TRPM4: variants seen among roughly 807,000 people sequenced by gnomAD.
TRPM4 encodes the protein transient receptor potential cation channel subfamily M member 4.
TRPM4 carries 124 observed loss-of-function variants against 135.6 expected under a neutral mutation model. That is an observed-to-expected ratio of 0.91 (90% confidence interval 0.79 to 1.06). TRPM4 has a LOEUF of 1.06. Among genes scored for constraint, TRPM4 ranks in the 50% least tolerant of loss-of-function variants. TRPM4 has a pLI of 0.00. For synonymous variants in TRPM4, 745 were observed against 705.6 expected, an observed-to-expected ratio of 1.06 and a Z score of -0.88; for missense variants, 1,658 against 1,671.4, an observed-to-expected ratio of 0.99 and a Z score of 0.14.
chr19:49,209,124 T>C (rs1461428582), intron 20 of TRPM4, among the ~76,000 whole-genome samples: 1 of 152,202 alleles, frequency 6.6e-6, no homozygotes, highest in Non-Finnish European at 1.5e-5. Context: ...TAAATCCCAT[T>C]TCGTTATGGT....
At position 49,157,796 on chromosome 19, in the gene TRPM4, G is replaced by C. The variant is rs1304701961; in HGVS notation, c.-71G>C. On this transcript the variant is annotated 5_prime_UTR_variant, in exon 1 of 25. Coordinates refer to ENST00000252826, the MANE Select transcript of TRPM4 (RefSeq NM_017636.4). ...GGAGGATCCGGTTTGCTCTGGGCGG[G>C]TCTGGAAGCAGAGCCGGCGGAGGGA... is the stretch of plus-strand genomic sequence containing the variant. 1 of 1,531,036 alleles carries C rather than the reference G, an allele frequency of 6.5e-7. No individual in the cohort carries two copies. Among genetic ancestry groups the C allele is most frequent in the Non-Finnish European group, 8.7e-7 (1 of 1,144,040 alleles). 94.8% of individuals were successfully genotyped at this position (1,531,036 alleles called of 1,614,324 possible).
chr19:49,194,028 C>T (rs1033988996), intron 16 of TRPM4, among the ~76,000 whole-genome samples: 2 of 147,630 alleles, frequency 1.4e-5, no homozygotes, highest in African/African-American at 5.3e-5. Flanking sequence ...CATCCTCCTC[C>T]TGCTCCTGCT....
At chr19:49,164,648 C>T (rs1206405492) in intron 2 of TRPM4, among the ~76,000 whole-genome samples, 1 of 151,762 alleles carries the variant, frequency 6.6e-6, no homozygotes, top group Non-Finnish European at 1.5e-5. Context: ...TCCCAAAGTG[C>T]TGGGATTACA....
Position 49,157,876 on chromosome 19 carries a change from C to T in TRPM4, c.10C>T (p.Pro4Ser), listed in dbSNP as rs1280227892. 1 of 1,534,850 alleles carries T rather than the reference C, an allele frequency of 6.5e-7. No individual in the cohort carries two copies. Among genetic ancestry groups the T allele is most frequent in the Non-Finnish European group, 8.7e-7 (1 of 1,146,410 alleles). ...CGGCGGCCGCGGCAGCATGGTGGTGCCGGAGAAGGAGCAGGTGAGCGCCGG... is the reference window on the plus strand; with the variant it reads ...CGGCGGCCGCGGCAGCATGGTGGTGTCGGAGAAGGAGCAGGTGAGCGCCGG... MVV[P>S]EKEQSWIPKI... Residue 4 changes from proline to serine, a missense_variant, in exon 1 of 25, where the codon CCG (proline) becomes TCG (serine). Physicochemically the swap from Pro to Ser is moderately conservative, Grantham distance 74. Transcript: ENST00000252826.
chr19:49,175,214 T>C (rs1187607596), intron 9 of TRPM4, among the ~76,000 whole-genome samples: 2 of 151,964 alleles, frequency 1.3e-5, no homozygotes, highest in Non-Finnish European at 2.9e-5. Context: ...TAGCTGGGAT[T>C]ACAGGCATGC....
At chr19:49,166,240 G>C (rs368432195) in intron 3 of TRPM4, 25 bp downstream of exon 3, 2 of 1,572,656 alleles carry the variant, frequency 1.3e-6, no homozygotes, top group Non-Finnish European at 1.7e-6. Context: ...TGTGGGCGGG[G>C]CCCGGGCACC....
chr19:49,168,804 A>G, intron 6 of TRPM4, 68 bp downstream of exon 6: 1 of 1,497,512 alleles, frequency 6.7e-7, no homozygotes. Context: ...TCAGGATCCC[A>G]GTAGTTTGGT....
chr19:49,161,801 T>C (rs1203027087), intron 2 of TRPM4, among the ~76,000 whole-genome samples: 1 of 152,154 alleles, frequency 6.6e-6, no homozygotes, highest in African/African-American at 2.4e-5. Context: ...GGCTAATTTT[T>C]GTACTTTTAG....
intron 3 of TRPM4, among the ~76,000 whole-genome samples, chr19:49,167,487 C>T (rs1967255400): frequency 7.5e-6 from 1 of 134,226 alleles, no homozygotes; most frequent in African/African-American, 3.0e-5. Flanking sequence ...GGGTCTCTGT[C>T]CCTCTCTCTC....
chr19:49,165,842 G>T (rs1186396678), intron 2 of TRPM4, among the ~76,000 whole-genome samples, 199 bp from the exon 3 acceptor site: 1 of 152,144 alleles, frequency 6.6e-6, no homozygotes, highest in Non-Finnish European at 1.5e-5. Flanking sequence ...CTTCCTTCCC[G>T]TGGGGAAAGG....
rs371404627 is a variant in TRPM4 at position 49,190,274 on chromosome 19, G to A, written c.2086G>A (p.Ala696Thr). 111 of 1,613,792 alleles carry A rather than the reference G, an allele frequency of 6.9e-5. 1 individual carries two copies. Among genetic ancestry groups the A allele is most frequent in the Non-Finnish European group, 8.8e-5 (104 of 1,179,952 alleles). Residue 696 changes from alanine to threonine, a missense_variant, in exon 15 of 25, where the codon GCC (alanine) becomes ACC (threonine). This residue lies in a region of TRPM4 where 1,412 missense variants were observed against 1,408.7 expected (regional missense o/e 1.00). Coordinates refer to ENST00000252826, the MANE Select transcript of TRPM4 (RefSeq NM_017636.4). ...TACACCCATCTGGGCCCTGGTTCTC[G>A]CCTTCTTTTGCCCTCCACTCATCTA... ...STTPIWALVLAFFCPPLIYTR... is the reference protein window; with the variant it reads ...STTPIWALVLTFFCPPLIYTR...
chr19:49,179,311 T>G (rs1361934806), intron 9 of TRPM4, among the ~76,000 whole-genome samples: 1 of 152,050 alleles, frequency 6.6e-6, no homozygotes, highest in Non-Finnish European at 1.5e-5. Flanking sequence ...CACCTCGGCC[T>G]CCCAAGGTGT....
Position 49,201,936 on chromosome 19 carries a change from C to A in TRPM4, c.2954-28C>A, listed in dbSNP as rs748233139. 1.3e-5 allele frequency: 21 copies of A among 1,611,862 alleles called. No individual in the cohort carries two copies. In the South Asian group the frequency reaches 2.3e-4, roughly 18 times the overall value. On this transcript the variant is annotated intron_variant, in intron 19 of 24. Coordinates refer to ENST00000252826, the MANE Select transcript of TRPM4 (RefSeq NM_017636.4). ...CTTTCTTAGGTCTCTGTCCCCCTCA[C>A]CCCATCTCTGAATGTCTCTCTTCAC... is the stretch of plus-strand genomic sequence containing the variant.
Position 49,188,956 on chromosome 19 carries a change from C to G in TRPM4, c.1884C>G (p.Gly628=). 6.2e-7 allele frequency: 1 copy of G among 1,614,084 alleles called. No individual in the cohort carries two copies. Among genetic ancestry groups the G allele is most frequent in the Non-Finnish European group, 8.5e-7 (1 of 1,180,040 alleles). The change falls in exon 14 of 25, where the codon GGC becomes GGG. Residue 628 remains glycine (G), a synonymous_variant. Coordinates refer to ENST00000252826, the MANE Select transcript of TRPM4 (RefSeq NM_017636.4). ...KFEGMGVDLF[G]ECYRSSEVRA... is the part of the protein sequence containing the mutation. ...ACTCCTCTGCCCCAGACCTCTTTGG[C>G]GAGTGCTATCGCAGCAGTGAGGTGA... is the stretch of plus-strand genomic sequence containing the variant.
Position 49,200,434 on chromosome 19 carries a change from T to C in TRPM4, c.2778+2T>C, listed in dbSNP as rs1456714344. 1.1e-5 allele frequency: 17 copies of C among 1,589,896 alleles called. No individual in the cohort carries two copies. Among genetic ancestry groups the C allele is most frequent in the Non-Finnish European group, 1.5e-5 (17 of 1,172,234 alleles). On this transcript the variant is annotated splice_donor_variant, in intron 18 of 24. Coordinates refer to ENST00000252826, the MANE Select transcript of TRPM4 (RefSeq NM_017636.4). LOFTEE classifies it high-confidence loss of function. The stretch of plus-strand genomic sequence containing the variant: ...AAGATCGTCATCGTGAGCAAGATGG[T>C]GAGGCAGGGGCGGGGCCAAAGTGGG...
At chr19:49,184,499 C>T (rs12151026) in intron 12 of TRPM4, among the ~76,000 whole-genome samples, 5,053 of 119,160 alleles carry the variant, frequency 0.042, 139 homozygotes, top group East Asian at 0.17. Context: ...CTCGCTCAGT[C>T]GCCCAGGCTG....
rs1416770604 is a variant in TRPM4, at chr19:49,168,616, G to C, written c.676G>C (p.Asp226His). ...GGAGGACGGGGTCCAGTTTCCCCTG[G>C]ACTACAACTACTCGGCCTTCTTCCT... ...DPEDGVQFPL[D>H]YNYSAFFLVD... is the part of the protein sequence containing the mutation. Residue 226 changes from aspartate (D) to histidine (H), a missense_variant, in exon 6 of 25, where the codon GAC becomes CAC. Transcript: ENST00000252826. The C allele has an allele frequency of 1.9e-6, 3 of 1,613,626 alleles. No homozygotes were observed. The highest frequency in any genetic ancestry group is 1.1e-5 in the South Asian group (1 of 91,078).
intron 9 of TRPM4, among the ~76,000 whole-genome samples, chr19:49,174,307 C>T (rs946703281): frequency 1.3e-5 from 2 of 152,162 alleles, no homozygotes; most frequent in Non-Finnish European, 2.9e-5. Flanking sequence ...CACGTGCCAT[C>T]ATGCCCGGCT....
In TRPM4 at chr19:49,211,680, C is replaced by T; in HGVS notation, c.*182C>T. The T allele has an allele frequency of 1.3e-6, 1 of 793,516 alleles. No individual in the cohort carries two copies. Among genetic ancestry groups the T allele is most frequent in the Non-Finnish European group, 2.1e-6 (1 of 468,624 alleles). 49.2% of individuals were successfully genotyped at this position (793,516 alleles called of 1,614,324 possible). ...TCCTTACAAACCACAGCATGCCCGG[C>T]TCCTCCCAGAACCAGTCCCAGCCTG... On this transcript the variant is annotated 3_prime_UTR_variant, in exon 25 of 25. Transcript: ENST00000252826. The surrounding 1 kb of genome is among the most constrained non-coding windows in gnomAD (Gnocchi z 4.8).
Sources: allele counts gnomAD v4.1 joint callset (sites outside exome capture counted in the v4.1 genomes callset), GRCh38; gene constraint gnomAD v4.1.1; regional missense constraint gnomAD v4.1.1; non-coding constraint Gnocchi (gnomAD v3.1); transcripts MANE v1.5; gene names NCBI Gene and HGNC (gene_info 2026-07-23, HGNC 2026-07-21).